The following RTN1 variants were observed in gnomAD, a reference collection of about 807,000 sequenced individuals.
RTN1 encodes reticulon 1, also known as reticulon-1.
In RTN1, 25 loss-of-function variants were observed where a neutral mutation model predicts 65.5. That is an observed-to-expected ratio of 0.38 (90% confidence interval 0.28 to 0.53). The LOEUF (loss-of-function observed/expected upper bound fraction) is 0.53, where lower values mean the gene tolerates loss of function less well. RTN1 is among the 20% of genes least tolerant of loss of function. The probability of loss-of-function intolerance (pLI) is 0.79; values close to 1 mark genes in which losing one functional copy is unlikely to be tolerated. For missense variants in RTN1, 983 were observed against 1,025.4 expected (o/e 0.96, Z 0.57); for synonymous variants, 471 against 447.6 (o/e 1.05, Z -0.66).
intron 8 of RTN1, among the ~76,000 whole-genome samples, chr14:59,597,706 G>A (rs1437928676): frequency 6.6e-6 from 1 of 152,200 alleles, no homozygotes; most frequent in Non-Finnish European, 1.5e-5. Flanking sequence ...CAGGCAGTGA[G>A]GGGCACAGTG....
At chr14:59,730,965 T>C (rs1423523616) in intron 2 of RTN1, among the ~76,000 whole-genome samples, 2 of 152,140 alleles carry the variant, frequency 1.3e-5, no homozygotes, top group African/African-American at 4.8e-5. Context: ...TATTTAAACA[T>C]AGAGTCATCA....
intron 3 of RTN1, among the ~76,000 whole-genome samples, chr14:59,685,827 G>C (rs927071550): frequency 3.9e-5 from 6 of 152,130 alleles, no homozygotes; most frequent in Admixed American, 6.5e-5. Context: ...CCAGAAATCT[G>C]TGTGTGACCA....
chr14:59,685,138 T>A (rs1883821015), intron 3 of RTN1, among the ~76,000 whole-genome samples: 1 of 152,138 alleles, frequency 6.6e-6, no homozygotes, highest in African/African-American at 2.4e-5. Context: ...GCTTTCATGA[T>A]GAAAACTCTC....
intron 3 of RTN1, among the ~76,000 whole-genome samples, chr14:59,714,980 C>T (rs1884503984): frequency 6.6e-6 from 1 of 152,166 alleles, no homozygotes; most frequent in African/African-American, 2.4e-5. Context: ...GGGATCTAGG[C>T]TGTATGCTCC....
chr14:59,697,189 G>C (rs1884081027), intron 3 of RTN1, among the ~76,000 whole-genome samples: 1 of 152,004 alleles, frequency 6.6e-6, no homozygotes, highest in African/African-American at 2.4e-5. Flanking sequence ...TTCAAAACTT[G>C]GCTCAAATAT....
At chr14:59,702,958 C>T (rs576084989) in intron 3 of RTN1, among the ~76,000 whole-genome samples, 1 of 152,176 alleles carries the variant, frequency 6.6e-6, no homozygotes, top group African/African-American at 2.4e-5. Context: ...GCTTTAGGGC[C>T]TTTACTGCAG....
At chr14:59,665,108 T>C (rs560333453) in intron 3 of RTN1, among the ~76,000 whole-genome samples, 2 of 152,134 alleles carry the variant, frequency 1.3e-5, no homozygotes, top group Admixed American at 6.6e-5. Flanking sequence ...TTAACATCTA[T>C]ATATCCTCTT....
chr14:59,783,504 T>C (rs1212038610), intron 1 of RTN1, among the ~76,000 whole-genome samples: 2 of 152,142 alleles, frequency 1.3e-5, no homozygotes, highest in Non-Finnish European at 2.9e-5. Flanking sequence ...GAGGTCAAAA[T>C]TGTGTGACAT....
At chr14:59,791,672 C>T (rs369940766) in intron 1 of RTN1, among the ~76,000 whole-genome samples, 15 of 152,330 alleles carry the variant, frequency 9.8e-5, no homozygotes, top group African/African-American at 2.6e-4. Flanking sequence ...CAACTGAACT[C>T]TCCATGTACC....
intron 3 of RTN1, among the ~76,000 whole-genome samples, chr14:59,625,560 A>T (rs1037637833): frequency 6.6e-6 from 1 of 152,150 alleles, no homozygotes; most frequent in Non-Finnish European, 1.5e-5. Context: ...AACATATTCA[A>T]TCTTATTTTA....
rs1390538730 is a variant in RTN1, at chr14:59,819,438, C to G, written c.241+50952G>C. 2.0e-4 allele frequency among the ~76,000 whole-genome samples: 8 copies of G among 40,848 alleles called. 2 individuals carry two copies. The highest frequency in any genetic ancestry group is 9.1e-4 in the Admixed American group (5 of 5,472). 26.8% of individuals were successfully genotyped at this position (40,848 alleles called of 152,430 possible). A position where few individuals can be genotyped will look rare whatever the true frequency, so the allele number is the denominator to read the frequency against. ...CACCCCCCCCCCACCCCCCACCCCC[C>G]CCCCCCGGCCACAGCTAGACACAGA... On this transcript the variant is annotated intron_variant, in intron 1 of 8. Coordinates refer to ENST00000267484, the MANE Select transcript of RTN1 (RefSeq NM_021136.3).
intron 3 of RTN1, among the ~76,000 whole-genome samples, chr14:59,670,478 T>C (rs891636929): frequency 2.0e-5 from 3 of 152,224 alleles, no homozygotes; most frequent in African/African-American, 7.2e-5. Flanking sequence ...GCTCCAAATA[T>C]ATTCTTATTT....
chr14:59,829,836 T>C lies in RTN1; in HGVS notation c.241+40554A>G, dbSNP rs942899155. Among the ~76,000 whole-genome samples the C allele has an allele frequency of 6.6e-6, 1 of 152,194 alleles. No individual in the cohort carries two copies. Among genetic ancestry groups the C allele is most frequent in the Admixed American group, 6.5e-5 (1 of 15,284 alleles). On this transcript the variant is annotated intron_variant, in intron 1 of 8. Transcript: ENST00000267484. The surrounding 1 kb of genome is among the most constrained non-coding windows in gnomAD (Gnocchi z 4.3). The stretch of plus-strand genomic sequence containing the variant: ...GTTTCATTAGCCAAACCAAATCATA[T>C]GGCCATACCTAACTTCCAGGGGACA...
At chr14:59,606,506 G>T (rs1481627451) in intron 4 of RTN1, among the ~76,000 whole-genome samples, 1 of 152,162 alleles carries the variant, frequency 6.6e-6, no homozygotes, top group Non-Finnish European at 1.5e-5. Flanking sequence ...CCGTCCCACA[G>T]TGAAAGTGAG....
intron 3 of RTN1, among the ~76,000 whole-genome samples, chr14:59,618,329 C>T (rs1232095906): frequency 6.6e-6 from 1 of 152,122 alleles, no homozygotes; most frequent in Non-Finnish European, 1.5e-5. Context: ...TTTTGCAGAC[C>T]CTGCACTTGA....
chr14:59,841,707 AAAAAAAAAC>A (rs1887315876), intron 1 of RTN1, among the ~76,000 whole-genome samples: 1 of 141,792 alleles, frequency 7.1e-6, no homozygotes, highest in Non-Finnish European at 1.5e-5. Context: ...ACTCCATTAA[AAAAAAAAAC>A]AAAAAAAAAA....
At chr14:59,750,363 ATATTAT>A (rs1885462242) in intron 1 of RTN1, among the ~76,000 whole-genome samples, 1 of 44,092 alleles carries the variant, frequency 2.3e-5, no homozygotes, top group Non-Finnish European at 3.3e-5. Flanking sequence ...TTATATCTAT[ATATTAT>A]ATCTATATAT....
chr14:59,746,090 A>T lies in RTN1; in HGVS notation c.633T>A (p.His211Gln), dbSNP rs371855804. The change falls in exon 2 of 9, where the codon CAT (histidine) becomes CAA (glutamine). Residue 211 changes from histidine (H) to glutamine (Q), a missense_variant. Physicochemically the swap from His to Gln is conservative, Grantham distance 24. This residue lies in a region of RTN1 where 818 missense variants were observed against 801.8 expected (regional missense o/e 1.02). Transcript: ENST00000267484. The part of the protein sequence containing the change: ...RPEEVKHQEQ[H>Q]HPELEDKDLD... ...AGTCTTTATCTTCCAGCTCGGGGTG[A>T]TGTTGTTCTTGGTGCTTCACCTCCT... 4 of 1,613,790 alleles carry T rather than the reference A, an allele frequency of 2.5e-6. No individual in the cohort carries two copies. The Admixed American group carries it at 6.7e-5, about 27-fold the overall frequency.
At chr14:59,725,038 A>G (rs969075036) in intron 3 of RTN1, among the ~76,000 whole-genome samples, 3 of 152,120 alleles carry the variant, frequency 2.0e-5, no homozygotes, top group African/African-American at 7.2e-5. Context: ...CCTCCTCTCT[A>G]CCTTCTAAAC....
Sources: gnomAD v4.1 joint callset for allele counts (sites outside exome capture counted in the v4.1 genomes callset) on GRCh38, gnomAD v4.1.1 for gene constraint, gnomAD v4.1.1 regional missense constraint, Gnocchi (gnomAD v3.1) non-coding constraint, MANE v1.5 for transcripts, NCBI Gene and HGNC (gene_info 2026-07-23, HGNC 2026-07-21) for gene names.